CFAP299: variants seen among roughly 807,000 people sequenced by gnomAD.
CFAP299 encodes cilia- and flagella-associated protein 299.
CFAP299 carries 21 observed loss-of-function variants against 27.0 expected under a neutral mutation model. The observed-to-expected ratio is 0.78, with a 90% CI of 0.55 to 1.12. The LOEUF (loss-of-function observed/expected upper bound fraction) is 1.12. Ranked by LOEUF, CFAP299 falls within the 50% of genes most tolerant of loss-of-function variation. CFAP299 has a pLI of 0.00. For missense variants in CFAP299, 310 were observed against 276.6 expected (o/e 1.12, Z -0.86); for synonymous variants, 104 against 98.1 (o/e 1.06, Z -0.36).
intron 2 of CFAP299, among the ~76,000 whole-genome samples, chr4:80,403,489 A>G (rs1726263063): frequency 1.3e-5 from 2 of 152,162 alleles, no homozygotes; most frequent in Admixed American, 1.3e-4. Flanking sequence ...ATTTGTGAAC[A>G]TGAAGACTGC....
chr4:80,324,830 A>G, the CFAP299 span, among the ~76,000 whole-genome samples: 9 of 152,180 alleles, frequency 5.9e-5, no homozygotes, highest in Non-Finnish European at 1.3e-4. Context: ...CGAGGTAAAA[A>G]AAGAATCAGA....
intron 2 of CFAP299, among the ~76,000 whole-genome samples, chr4:80,493,517 G>A (rs1367542162): frequency 6.6e-6 from 1 of 152,166 alleles, no homozygotes; most frequent in Non-Finnish European, 1.5e-5. Flanking sequence ...TGATCAGAAT[G>A]AGTTAGAGTA....
intron 3 of CFAP299, among the ~76,000 whole-genome samples, chr4:80,824,246 T>A (rs919919350): frequency 6.6e-6 from 1 of 152,110 alleles, no homozygotes; most frequent in East Asian, 1.9e-4. Context: ...GCCAATAAAT[T>A]GTAGTTAATT....
rs562739208 is a variant in CFAP299, at chr4:80,343,657, C to T, written c.111+7778C>T. Among the ~76,000 whole-genome samples the T allele has an allele frequency of 1.6e-4, 24 of 151,792 alleles. 1 individual carries two copies. The highest frequency in any genetic ancestry group is 1.3e-3 in the South Asian group (6 of 4,798). ...ACAAAAAATTAGCCAGGCGCGGTGG[C>T]GGGCGCCTGTAGTCCCAGCTACTCG... On this transcript the variant is annotated intron_variant, in intron 1 of 5. Coordinates refer to ENST00000358105, the MANE Select transcript of CFAP299 (RefSeq NM_152770.3).
chr4:80,696,802 G>T (rs1375594299), intron 3 of CFAP299, among the ~76,000 whole-genome samples: 1 of 152,086 alleles, frequency 6.6e-6, no homozygotes, highest in Non-Finnish European at 1.5e-5. Flanking sequence ...TGAACTTAAG[G>T]TGTCTAAAGA....
chr4:80,572,507 G>GTTTTT lies in CFAP299; in HGVS notation c.243-10562_243-10558dup, dbSNP rs550414533. ...TGTTGTTGCACATGACTGGATCCCA[G>GTTTTT]TTTTTTTTTTTTTTTTTTTTTTTTT... On this transcript the variant is annotated intron_variant, in intron 2 of 5. Transcript: ENST00000358105. 4.2e-3 allele frequency among the ~76,000 whole-genome samples: 152 copies of GTTTTT among 36,394 alleles called. 30 individuals are homozygous for GTTTTT. The highest frequency in any genetic ancestry group is 0.018 in the East Asian group (19 of 1,042). The allele number at this position is 36,394 out of a possible 152,430, so 23.9% of individuals were successfully genotyped here. A position where few individuals can be genotyped will look rare whatever the true frequency, so the allele number is the denominator to read the frequency against.
At chr4:80,802,998 T>A (rs1728689437) in intron 3 of CFAP299, among the ~76,000 whole-genome samples, 1 of 152,088 alleles carries the variant, frequency 6.6e-6, no homozygotes, top group Non-Finnish European at 1.5e-5. Flanking sequence ...TTAAACATCA[T>A]GCAATAGAAT....
At chr4:80,362,140 A>AT (rs1723579151) in intron 1 of CFAP299, among the ~76,000 whole-genome samples, 1 of 151,120 alleles carries the variant, frequency 6.6e-6, no homozygotes, top group South Asian at 2.1e-4. Flanking sequence ...TCAATTTGAA[A>AT]TTTTTTTGTG....
chr4:80,407,892 T>A (rs1329168285), intron 2 of CFAP299, among the ~76,000 whole-genome samples: 1 of 152,206 alleles, frequency 6.6e-6, no homozygotes, highest in East Asian at 1.9e-4. Context: ...TACAAAGAAA[T>A]GATAGTACTA....
In CFAP299 at chr4:80,722,623, G is replaced by A. The variant is rs144768067; in HGVS notation, c.333+139440G>A. ...TGATTAGAAAACAAAAAATTCGGCC[G>A]GGCGCTGTGGCTCACGCCTGTAATC... On this transcript the variant is annotated intron_variant, in intron 3 of 5. Coordinates refer to ENST00000358105, the MANE Select transcript of CFAP299 (RefSeq NM_152770.3). Among the ~76,000 whole-genome samples the A allele has an allele frequency of 8.5e-3, 1,290 of 151,762 alleles. 21 individuals are homozygous for A. The highest frequency in any genetic ancestry group is 0.028 in the African/African-American group (1,169 of 41,368).
intron 3 of CFAP299, among the ~76,000 whole-genome samples, chr4:80,787,708 A>G (rs978971143): frequency 6.6e-6 from 1 of 152,048 alleles, no homozygotes; most frequent in Non-Finnish European, 1.5e-5. Context: ...AACAAGGCCT[A>G]AAATATTTAA....
chr4:80,856,254 GT>G (rs1041605517), intron 3 of CFAP299, among the ~76,000 whole-genome samples: 1 of 145,880 alleles, frequency 6.9e-6, no homozygotes, highest in Non-Finnish European at 1.5e-5. Flanking sequence ...TGATGGGGTT[GT>G]TTTTTTCTTG....
intron 2 of CFAP299, among the ~76,000 whole-genome samples, chr4:80,455,417 G>A (rs915877905): frequency 2.0e-5 from 3 of 151,928 alleles, no homozygotes; most frequent in Non-Finnish European, 4.4e-5. Flanking sequence ...ATACTTATTC[G>A]AATTATATAG....
Position 80,644,780 on chromosome 4 carries a change from C to A in CFAP299, c.333+61597C>A, listed in dbSNP as rs141556473. Among the ~76,000 whole-genome samples the A allele has an allele frequency of 5.1e-3, 770 of 152,230 alleles. 5 individuals are homozygous for A. Among genetic ancestry groups the A allele is most frequent in the Middle Eastern group, 0.02 (6 of 294 alleles). On this transcript the variant is annotated intron_variant, in intron 3 of 5. Transcript: ENST00000358105. Reference sequence around the variant, plus strand: ...CTCTGGAATTGTCCCATGTGTGACTCCAAACCCACTGCCTGCCCTTACAAG... The same window carrying A: ...CTCTGGAATTGTCCCATGTGTGACTACAAACCCACTGCCTGCCCTTACAAG...
chr4:80,869,953 CTTTTATATT>C, intron 3 of CFAP299, 31 bp from the exon 4 acceptor site: 1 of 1,559,688 alleles, frequency 6.4e-7, no homozygotes, highest in South Asian at 1.2e-5. Flanking sequence ...TAAATCAGCT[CTTTTATATT>C]TTTGTCTTAT....
At chr4:80,810,351 G>GACACACACACACACAC (rs70956066) in intron 3 of CFAP299, among the ~76,000 whole-genome samples, 16 of 147,780 alleles carry the variant, frequency 1.1e-4, no homozygotes, top group African/African-American at 4.0e-4. Context: ...CCCAACCCCT[G>GACACACACACACACAC]ACACACACAC....
chr4:80,575,328 A>AC (rs201167296), intron 2 of CFAP299, among the ~76,000 whole-genome samples: 5,955 of 151,262 alleles, frequency 0.039, 355 homozygotes, highest in African/African-American at 0.13. Context: ...CACTTTCATT[A>AC]AATTTTTTTT....
Position 80,706,247 on chromosome 4 carries a change from G to T in CFAP299, c.333+123064G>T, listed in dbSNP as rs561364617. On this transcript the variant is annotated intron_variant, in intron 3 of 5. Transcript: ENST00000358105. ...CTAAATATTTTCTGATATTTGAGAG[G>T]TGGGTTTATGCAAACATACCCTAAA... Among the ~76,000 whole-genome samples, 761 of 151,336 alleles carry T rather than the reference G, an allele frequency of 5.0e-3. 5 individuals are homozygous for T. The highest frequency in any genetic ancestry group is 0.02 in the Middle Eastern group (6 of 294).
intron 3 of CFAP299, among the ~76,000 whole-genome samples, chr4:80,693,044 A>G (rs1177786685): frequency 6.6e-6 from 1 of 152,274 alleles, no homozygotes; most frequent in Non-Finnish European, 1.5e-5. Flanking sequence ...AAGTCAGGAA[A>G]CAACAGGTGC....
Sources: allele counts gnomAD v4.1 joint callset (sites outside exome capture counted in the v4.1 genomes callset), GRCh38; gene constraint gnomAD v4.1.1; transcripts MANE v1.5; gene names NCBI Gene and HGNC (gene_info 2026-07-23, HGNC 2026-07-21).